CSPG4: variants seen among roughly 807,000 people sequenced by gnomAD.
CSPG4 encodes chondroitin sulfate proteoglycan 4.
A neutral mutation model predicts 139.3 loss-of-function variants in CSPG4; 74 were observed. The observed-to-expected ratio is 0.53, with a 90% CI of 0.44 to 0.64. CSPG4 has a LOEUF of 0.64. Among genes scored for constraint, CSPG4 ranks in the 30% least tolerant of loss-of-function variants. The pLI is 0.00. For missense variants in CSPG4, 2,565 were observed against 3,148.3 expected (o/e 0.81, Z 4.43); for synonymous variants, 1,234 against 1,394.2 (o/e 0.89, Z 2.56).
At chr15:75,692,716 G>A (rs539670650) in intron 2 of CSPG4, among the ~76,000 whole-genome samples, 1 of 152,326 alleles carries the variant, frequency 6.6e-6, no homozygotes, top group Non-Finnish European at 1.5e-5. Flanking sequence ...CTGGAGTTAG[G>A]CATGTGCAGG....
chr15:75,706,850 T>C (rs1894380512), intron 1 of CSPG4, among the ~76,000 whole-genome samples: 1 of 152,140 alleles, frequency 6.6e-6, no homozygotes, highest in Non-Finnish European at 1.5e-5. Flanking sequence ...CACAGCACAG[T>C]TGAGCATCCC....
intron 3 of CSPG4, among the ~76,000 whole-genome samples, chr15:75,686,718 G>A (rs1894064509): frequency 6.6e-6 from 1 of 152,134 alleles, no homozygotes; most frequent in Non-Finnish European, 1.5e-5. Flanking sequence ...GAAATGAGCA[G>A]TGTAGGAGAG....
intron 3 of CSPG4, among the ~76,000 whole-genome samples, chr15:75,686,769 G>A (rs1056413712): frequency 6.6e-6 from 1 of 152,176 alleles, no homozygotes; most frequent in Non-Finnish European, 1.5e-5. Context: ...AGGTCACAGG[G>A]CAAGTCAGTG....
At position 75,689,819 on chromosome 15, in the gene CSPG4, C is replaced by T. The variant is rs767957613; in HGVS notation, c.1246G>A (p.Val416Met). The stretch of plus-strand genomic sequence containing the variant: ...ACAGGAGGCAGCCCTGGCTCAGGCA[C>T]GCATGGCTCAGGCAGCTCCATGGCT... The part of the protein sequence containing the change: ...WPAMELPEPC[V>M]PEPGLPPVFA... Residue 416 changes from valine (V) to methionine (M), a missense_variant, in exon 3 of 10, where the codon GTG becomes ATG. This residue lies in a region of CSPG4 where 2,316 missense variants were observed against 2,818.2 expected (regional missense o/e 0.82). Coordinates refer to ENST00000308508, the MANE Select transcript of CSPG4 (RefSeq NM_001897.5). The T allele has an allele frequency of 9.3e-6, 15 of 1,612,618 alleles. No homozygotes were observed. The highest frequency in any genetic ancestry group is 1.7e-4 in the Middle Eastern group (1 of 6,050).
Position 75,690,315 on chromosome 15 carries a change from G to A in CSPG4, c.750C>T (p.Phe250=), listed in dbSNP as rs1016261965. 1.9e-6 allele frequency: 3 copies of A among 1,612,724 alleles called. No homozygotes were observed. Among genetic ancestry groups the A allele is most frequent in the Non-Finnish European group, 2.5e-6 (3 of 1,179,776 alleles). Residue 250 remains phenylalanine (F), a synonymous_variant, in exon 3 of 10, where the codon TTC becomes TTT. Coordinates refer to ENST00000308508, the MANE Select transcript of CSPG4 (RefSeq NM_001897.5). ...AFQAGGRRGD[F]IYVDIFEGHL... is the part of the protein sequence containing the mutation. Reference sequence around the variant, plus strand: ...GGCCCTCAAATATGTCCACATAGATGAAGTCCCCACGCCGGCCCCCTGCCT... The same window carrying A: ...GGCCCTCAAATATGTCCACATAGATAAAGTCCCCACGCCGGCCCCCTGCCT...
At chr15:75,683,075 C>T (rs1255493845) in intron 5 of CSPG4, 34 bp from the exon 6 acceptor site, 2 of 1,586,720 alleles carry the variant, frequency 1.3e-6, no homozygotes, top group Admixed American at 3.4e-5. Context: ...TTCTGCCTTG[C>T]CGCACTCACC....
At chr15:75,703,221 T>TAC (rs1451042991) in intron 1 of CSPG4, among the ~76,000 whole-genome samples, 1 of 125,568 alleles carries the variant, frequency 8.0e-6, no homozygotes, top group Non-Finnish European at 1.7e-5. Context: ...AGAGACAGGG[T>TAC]AGGAAAGACA....
chr15:75,677,440 C>A (rs11853792), intron 9 of CSPG4, 56 bp from the exon 10 acceptor site: 1 of 1,398,262 alleles, frequency 7.2e-7, no homozygotes, highest in Admixed American at 3.4e-5. Flanking sequence ...GAGTGATGGA[C>A]CCTCAGCTGG....
intron 1 of CSPG4, among the ~76,000 whole-genome samples, chr15:75,708,807 G>C (rs1170967403): frequency 6.6e-6 from 1 of 152,228 alleles, no homozygotes; most frequent in Admixed American, 6.5e-5. Flanking sequence ...TGGGAGGCTT[G>C]CTTGAGCCCA....
rs115487880 is a variant in CSPG4, at chr15:75,703,394, C to T, written c.88+9274G>A. Among the ~76,000 whole-genome samples, 1,364 of 151,820 alleles carry T rather than the reference C, an allele frequency of 9.0e-3. 24 individuals carry two copies. Among genetic ancestry groups the T allele is most frequent in the East Asian group, 0.088 (450 of 5,094 alleles). Reference sequence around the variant, plus strand: ...TGAGGGGAGACTGAAGTGTGGCTTCCGTCCCATAGAGTCTTCATGGTGCTC... The same window carrying T: ...TGAGGGGAGACTGAAGTGTGGCTTCTGTCCCATAGAGTCTTCATGGTGCTC... On this transcript the variant is annotated intron_variant, in intron 1 of 9. Coordinates refer to ENST00000308508, the MANE Select transcript of CSPG4 (RefSeq NM_001897.5).
At chr15:75,703,440 C>T (rs1242227981) in intron 1 of CSPG4, among the ~76,000 whole-genome samples, 4 of 151,552 alleles carry the variant, frequency 2.6e-5, no homozygotes, top group Admixed American at 6.6e-5. Flanking sequence ...GGTCAGAGTC[C>T]GGGTGGAGCC....
intron 1 of CSPG4, among the ~76,000 whole-genome samples, chr15:75,693,621 C>G (rs1894192525): frequency 6.6e-6 from 1 of 152,236 alleles, no homozygotes; most frequent in Admixed American, 6.5e-5. Context: ...CGCAACTGGC[C>G]TGACCATCTG....
At position 75,684,710 on chromosome 15, in the gene CSPG4, G is replaced by C. The variant is rs372556827; in HGVS notation, c.4449+26C>G. ...CTGGCCTCTTTCTCGAAGCAGACAT[G>C]GGGGTGTTCCCAGGGATGCTCTCAC... On this transcript the variant is annotated intron_variant, in intron 5 of 9. Transcript: ENST00000308508. 9 of 1,598,674 alleles carry C rather than the reference G, an allele frequency of 5.6e-6. No individual in the cohort carries two copies. In the African/African-American group the frequency reaches 6.7e-5, roughly 12 times the overall value.
In CSPG4 at chr15:75,676,844, G is replaced by C. The variant is rs777921699; in HGVS notation, c.5675C>G (p.Thr1892Ser). 3.8e-6 allele frequency: 6 copies of C among 1,561,500 alleles called. No individual in the cohort carries two copies. The African/African-American group carries it at 8.2e-5, about 21-fold the overall frequency. ...ATCCACATCGGCTTGCGTGAAGCGGGTCACGGGCCCCAGGCCACCACCCAC... is the reference window on the plus strand; with the variant it reads ...ATCCACATCGGCTTGCGTGAAGCGGCTCACGGGCCCCAGGCCACCACCCAC... Reference protein sequence around the residue: ...SLVGGGLGPVTRFTQADVDSG... With the variant: ...SLVGGGLGPVSRFTQADVDSG... The change falls in exon 10 of 10, where the codon ACC becomes AGC. Residue 1892 changes from threonine to serine, a missense_variant. Physicochemically the swap from Thr to Ser is moderately conservative, Grantham distance 58. Coordinates refer to ENST00000308508, the MANE Select transcript of CSPG4 (RefSeq NM_001897.5).
intron 5 of CSPG4, among the ~76,000 whole-genome samples, chr15:75,683,280 G>T (rs1204374416): frequency 6.6e-6 from 1 of 152,142 alleles, no homozygotes; most frequent in Non-Finnish European, 1.5e-5. Flanking sequence ...CTCTCCATCT[G>T]CCCTAGTCCT....
chr15:75,677,595 G>A (rs771339545), intron 9 of CSPG4, 108 bp downstream of exon 9: 367 of 1,346,028 alleles, frequency 2.7e-4, no homozygotes, highest in Non-Finnish European at 3.6e-4. Flanking sequence ...GACTTCCCAG[G>A]TCCTGGGGGC....
In CSPG4 at chr15:75,689,945, G is replaced by C; in HGVS notation, c.1120C>G (p.Arg374Gly). The C allele has an allele frequency of 6.2e-7, 1 of 1,611,702 alleles. No homozygotes were observed. Residue 374 changes from arginine to glycine, a missense_variant, in exon 3 of 10, where the codon CGC becomes GGC. Around this residue, in one of 5 missense-constraint regions of CSPG4, gnomAD observed 2,316 missense variants for 2,818.2 expected, o/e 0.82. Transcript: ENST00000308508. ...AGCCTGCAGCCGGCTGCCATGTTGC[G>C]CGTCAGCAAAGCTTCCCGCAGCCCC... ...RRGLREALLT[R>G]NMAAGCRLEE...
chr15:75,693,339 C>T, intron 1 of CSPG4, 106 bp from the exon 2 acceptor site: 5 of 1,135,822 alleles, frequency 4.4e-6, no homozygotes, highest in Non-Finnish European at 5.0e-6. Context: ...CGTGCTGGCG[C>T]ACCCTCATGG....
At chr15:75,707,983 TCTC>T (rs556504894) in intron 1 of CSPG4, among the ~76,000 whole-genome samples, 122 of 151,284 alleles carry the variant, frequency 8.1e-4, no homozygotes, top group African/African-American at 2.8e-3. Context: ...CTCCCCCTAA[TCTC>T]CTGAGGACTC....
Sources: allele counts gnomAD v4.1 joint callset (sites outside exome capture counted in the v4.1 genomes callset), GRCh38; gene constraint gnomAD v4.1.1; regional missense constraint gnomAD v4.1.1; transcripts MANE v1.5; gene names NCBI Gene and HGNC (gene_info 2026-07-23, HGNC 2026-07-21).